Variants in MYOM1 observed in about 807,000 individuals in gnomAD.
The protein encoded by MYOM1 is myomesin 1, also known as myomesin-1.
A neutral mutation model predicts 205.3 loss-of-function variants in MYOM1; 164 were observed. The ratio of observed to expected loss-of-function variants is 0.80; its 90% CI spans 0.70 to 0.91. The LOEUF is 0.91. MYOM1 is among the 40% of genes least tolerant of loss of function. The probability of loss-of-function intolerance (pLI) is 0.00; values close to 1 mark genes in which losing one functional copy is unlikely to be tolerated. For synonymous variants in MYOM1, 772 were observed against 789.4 expected (o/e 0.98, Z 0.37); for missense variants, 2,011 against 2,127.3 (o/e 0.95, Z 1.08).
In MYOM1 at chr18:3,135,803, G is replaced by A; in HGVS notation, c.2026-73C>T. 1 of 1,540,926 alleles carries A rather than the reference G, an allele frequency of 6.5e-7. No homozygotes were observed. The highest frequency in any genetic ancestry group is 8.9e-7 in the Non-Finnish European group (1 of 1,127,676). ...GAGAATCCAGGCCAGGCAACTCCAA[G>A]TTTCATTCATCTGCAACAAACCACT... On this transcript the variant is annotated intron_variant, in intron 14 of 37. Transcript: ENST00000356443. The surrounding 1 kb of genome is among the most constrained non-coding windows in gnomAD (Gnocchi z 4.1).
chr18:3,223,100 C>G (rs1300471753), upstream of MYOM1, among the ~76,000 whole-genome samples: 1 of 152,124 alleles, frequency 6.6e-6, no homozygotes, highest in Non-Finnish European at 1.5e-5. Flanking sequence ...AGGATGGTCT[C>G]GAACTCCTGA....
At chr18:3,114,209 C>T (rs11081008) in intron 21 of MYOM1, among the ~76,000 whole-genome samples, 132,786 of 152,176 alleles carry the variant, frequency 0.87, 58,450 homozygotes, top group East Asian at 0.97. Flanking sequence ...TGATGTATGG[C>T]TGTGAGTCAG....
At chr18:3,197,267 G>C (rs1305319561) in intron 2 of MYOM1, among the ~76,000 whole-genome samples, 5 of 151,642 alleles carry the variant, frequency 3.3e-5, no homozygotes, top group African/African-American at 9.7e-5. Flanking sequence ...CTCCTGAATA[G>C]CTGGGATTAC....
chr18:3,129,415 TC>T lies in MYOM1; in HGVS notation c.2610del (p.Asp872MetfsTer25). The T allele has an allele frequency of 6.2e-7, 1 of 1,613,986 alleles. No homozygotes were observed. Among genetic ancestry groups the T allele is most frequent in the Non-Finnish European group, 8.5e-7 (1 of 1,179,888 alleles). On this transcript the variant is annotated frameshift_variant, in exon 18 of 38. Coordinates refer to ENST00000356443, the MANE Select transcript of MYOM1 (RefSeq NM_003803.4). LOFTEE classifies it high-confidence loss of function. ...GGTTTGCTGCCAAGCAAAGCATCTTTCTGGAAGGTTGGCGGGGAGGCTTCAT... is the reference window on the plus strand; with the variant it reads ...GGTTTGCTGCCAAGCAAAGCATCTTTTGGAAGGTTGGCGGGGAGGCTTCAT... ...RVHEASPPTF[Q>X]KDALLGSKPN...
rs70964105 is a variant in MYOM1 at position 3,113,298 on chromosome 18, CTATATATA to C, written c.3304-894_3304-887del. Among the ~76,000 whole-genome samples the C allele has an allele frequency of 5.4e-4, 79 of 145,316 alleles. 1 individual carries two copies. Among genetic ancestry groups the C allele is most frequent in the African/African-American group, 2.0e-3 (76 of 37,676 alleles). On this transcript the variant is annotated intron_variant, in intron 21 of 37. Transcript: ENST00000356443. ...TATATATGTGTGTATGTGTTTGTGT[CTATATATA>C]TATATATATATATATATATATATAT...
At chr18:3,198,861 A>G (rs990819262) in intron 2 of MYOM1, among the ~76,000 whole-genome samples, 3 of 152,138 alleles carry the variant, frequency 2.0e-5, no homozygotes, top group Admixed American at 6.5e-5. Context: ...CTGGTTTCAC[A>G]TCAGAATCAG....
chr18:3,172,899 C>T (rs781054724), intron 8 of MYOM1, among the ~76,000 whole-genome samples: 2 of 152,198 alleles, frequency 1.3e-5, no homozygotes, highest in Non-Finnish European at 2.9e-5. Context: ...GTCATCCCTT[C>T]TCACCCATGG....
intron 25 of MYOM1, among the ~76,000 whole-genome samples, chr18:3,099,816 A>G (rs1049982278): frequency 3.9e-5 from 6 of 152,252 alleles, no homozygotes; most frequent in African/African-American, 1.4e-4. Flanking sequence ...ATAAAGACAT[A>G]TAAGTGAATA....
At chr18:3,127,305 A>ATATATTTTTTTTT (rs56880961) in intron 18 of MYOM1, among the ~76,000 whole-genome samples, 41 of 47,564 alleles carry the variant, frequency 8.6e-4, no homozygotes, top group African/African-American at 2.3e-3. Context: ...ATATATATAT[A>ATATATTTTTTTTT]TTTTTTTTTT....
chr18:3,182,838 CAG>C (rs2080755598), intron 5 of MYOM1, among the ~76,000 whole-genome samples: 1 of 151,260 alleles, frequency 6.6e-6, no homozygotes, highest in African/African-American at 2.4e-5. Flanking sequence ...TCTATGTCGA[CAG>C]AGTCCTCCTG....
chr18:3,173,881 T>G (rs2080595508), intron 8 of MYOM1, 57 bp downstream of exon 8: 2 of 1,505,908 alleles, frequency 1.3e-6, no homozygotes, highest in Non-Finnish European at 1.8e-6. Flanking sequence ...ATGGGCTAAC[T>G]TATTATGCCA....
the MYOM1 span, among the ~76,000 whole-genome samples, chr18:3,243,208 AAAAG>A: frequency 6.6e-6 from 1 of 152,222 alleles, no homozygotes. Context: ...TTATTCATTT[AAAAG>A]AAAGGAGCTC....
intron 10 of MYOM1, among the ~76,000 whole-genome samples, chr18:3,155,498 AC>A: frequency 6.6e-6 from 1 of 152,212 alleles, no homozygotes; most frequent in East Asian, 1.9e-4. Context: ...TGCTGGGATT[AC>A]AGGCGTGAGC....
chr18:3,127,306 T>TATATATATATATATATATATATA (rs1555620546), intron 18 of MYOM1, among the ~76,000 whole-genome samples: 1 of 36,412 alleles, frequency 2.7e-5, no homozygotes, highest in Admixed American at 3.6e-4. Context: ...TATATATATA[T>TATATATATATATATATATATATA]TTTTTTTTTT....
At chr18:3,241,514 A>G in the MYOM1 span, among the ~76,000 whole-genome samples, 1 of 152,234 alleles carries the variant, frequency 6.6e-6, no homozygotes, top group Admixed American at 6.5e-5. Context: ...TAGATTTCAG[A>G]GGTTGTATGG....
In MYOM1 at chr18:3,129,234, C is replaced by T. The variant is rs1184437084; in HGVS notation, c.2792G>A (p.Arg931Lys). The change falls in exon 18 of 38, where the codon AGA (arginine) becomes AAA (lysine). Residue 931 changes from arginine (R) to lysine (K), a missense_variant and splice_region_variant. By Grantham distance (26) the Arg-to-Lys change is conservative (BLOSUM62 2). Transcript: ENST00000356443. ...AGCTTCCCTTTCTCAACTCTCACCT[C>T]TGTCTGTCTTCTTTTTCAGGGGGTC... ...KSDPLKKKTD[R>K]APPSPPCDIT... The T allele has an allele frequency of 6.2e-7, 1 of 1,612,664 alleles. No individual in the cohort carries two copies. The highest frequency in any genetic ancestry group is 8.5e-7 in the Non-Finnish European group (1 of 1,179,274).
chr18:3,159,534 T>C (rs1020091643), intron 10 of MYOM1, among the ~76,000 whole-genome samples: 1 of 152,194 alleles, frequency 6.6e-6, no homozygotes, highest in African/African-American at 2.4e-5. Context: ...AATGAAGATA[T>C]AGGCCTATAA....
chr18:3,145,312 A>G (rs890585717), intron 13 of MYOM1, among the ~76,000 whole-genome samples: 7 of 151,370 alleles, frequency 4.6e-5, no homozygotes, highest in African/African-American at 1.7e-4. Context: ...TCCATCTCAA[A>G]AAAAAAAAAA....
chr18:3,169,905 C>T (rs755441627), intron 8 of MYOM1, among the ~76,000 whole-genome samples: 46 of 152,092 alleles, frequency 3.0e-4, no homozygotes, highest in Admixed American at 3.0e-3. Context: ...AAGTGTTCAA[C>T]CATGGCAGAA....
Sources: allele counts gnomAD v4.1 joint callset (sites outside exome capture counted in the v4.1 genomes callset), GRCh38; gene constraint gnomAD v4.1.1; non-coding constraint Gnocchi (gnomAD v3.1); transcripts MANE v1.5; gene names NCBI Gene and HGNC (gene_info 2026-07-23, HGNC 2026-07-21).